Variants in ZNF804B observed in about 807,000 individuals in gnomAD.
The protein encoded by ZNF804B is zinc finger 804B.
ZNF804B carries 80 observed loss-of-function variants against 101.4 expected under a neutral mutation model. The ratio of observed to expected loss-of-function variants is 0.79; its 90% CI spans 0.66 to 0.95. The LOEUF (loss-of-function observed/expected upper bound fraction) is 0.95. ZNF804B is among the 40% of genes least tolerant of loss of function. The pLI, the probability that ZNF804B is intolerant of heterozygous loss-of-function variation, is 0.00. For synonymous variants in ZNF804B, 622 were observed against 558.8 expected (o/e 1.11, Z -1.59); for missense variants, 1,673 against 1,561.9 (o/e 1.07, Z -1.20).
chr7:89,134,863 CT>C (rs1283292973), intron 1 of ZNF804B, among the ~76,000 whole-genome samples: 2 of 151,766 alleles, frequency 1.3e-5, no homozygotes, highest in Admixed American at 6.6e-5. Flanking sequence ...TGTTTTTGAG[CT>C]ACTATGTACT....
chr7:88,996,559 C>A (rs1229019199), intron 1 of ZNF804B, among the ~76,000 whole-genome samples: 1 of 151,994 alleles, frequency 6.6e-6, no homozygotes, highest in Non-Finnish European at 1.5e-5. Flanking sequence ...AATCTTGAAT[C>A]ATTGTGGTTT....
At chr7:89,220,177 G>GCGTATATACA (rs373110832) in intron 2 of ZNF804B, among the ~76,000 whole-genome samples, 39 of 31,838 alleles carry the variant, frequency 1.2e-3, no homozygotes, top group African/African-American at 4.6e-3. Flanking sequence ...ATATATATGT[G>GCGTATATACA]TGTATATATA....
intron 1 of ZNF804B, among the ~76,000 whole-genome samples, chr7:88,908,024 A>T (rs1215729678): frequency 6.6e-6 from 1 of 151,894 alleles, no homozygotes. Flanking sequence ...TTAGTTAGTC[A>T]GTTAATCAAT....
chr7:88,937,436 A>G (rs1792989484), intron 1 of ZNF804B, among the ~76,000 whole-genome samples: 1 of 152,078 alleles, frequency 6.6e-6, no homozygotes, highest in African/African-American at 2.4e-5. Flanking sequence ...AATATTAGGG[A>G]AGCTATTTAA....
At chr7:88,945,579 T>C (rs7785253) in intron 1 of ZNF804B, among the ~76,000 whole-genome samples, 6,103 of 134,438 alleles carry the variant, frequency 0.045, 248 homozygotes, top group East Asian at 0.17. Context: ...ATGGGCTCTG[T>C]TTTGGTTCCA....
At chr7:89,013,291 C>CAT (rs1459050053) in intron 1 of ZNF804B, among the ~76,000 whole-genome samples, 2 of 151,326 alleles carry the variant, frequency 1.3e-5, no homozygotes, top group South Asian at 2.1e-4. Context: ...AGAGAAGAAA[C>CAT]ATATGAGAAT....
chr7:89,103,061 T>TG (rs1305285403), intron 1 of ZNF804B, among the ~76,000 whole-genome samples: 3 of 127,924 alleles, frequency 2.3e-5, no homozygotes, highest in African/African-American at 6.8e-5. Context: ...TTTTTTTTTT[T>TG]TTTTTTTTTT....
At chr7:89,077,376 C>G (rs1441425662) in intron 1 of ZNF804B, among the ~76,000 whole-genome samples, 1 of 151,886 alleles carries the variant, frequency 6.6e-6, no homozygotes, top group African/African-American at 2.4e-5. Context: ...GTAGATGTTT[C>G]TGATAGCTGT....
intron 1 of ZNF804B, among the ~76,000 whole-genome samples, chr7:89,007,388 A>G (rs956240988): frequency 6.9e-6 from 1 of 144,138 alleles, no homozygotes; most frequent in African/African-American, 2.6e-5. Flanking sequence ...TTCCGGGTTC[A>G]GGAAACACTT....
intron 1 of ZNF804B, among the ~76,000 whole-genome samples, chr7:89,016,550 A>C (rs1335775361): frequency 1.3e-5 from 2 of 149,356 alleles, no homozygotes; most frequent in Non-Finnish European, 2.9e-5. Flanking sequence ...TCAGCTTTCT[A>C]CATATGGCTA....
intron 1 of ZNF804B, among the ~76,000 whole-genome samples, chr7:89,208,658 T>C (rs1017792908): frequency 2.0e-5 from 3 of 152,146 alleles, no homozygotes; most frequent in African/African-American, 7.2e-5. Context: ...GAAGATGAAA[T>C]TGGTGGTGGC....
intron 1 of ZNF804B, among the ~76,000 whole-genome samples, chr7:88,855,706 T>A (rs926656079): frequency 6.6e-6 from 1 of 152,226 alleles, no homozygotes; most frequent in African/African-American, 2.4e-5. Flanking sequence ...TGGTATTGCC[T>A]AGGTTTTCTT....
intron 3 of ZNF804B, among the ~76,000 whole-genome samples, chr7:89,331,707 TA>T (rs912798114): frequency 1.3e-5 from 2 of 151,042 alleles, no homozygotes; most frequent in African/African-American, 4.9e-5. Flanking sequence ...TTGAATATTG[TA>T]AAAAAAACTG....
At chr7:88,822,294 A>T (rs1790994143) in intron 1 of ZNF804B, among the ~76,000 whole-genome samples, 1 of 152,174 alleles carries the variant, frequency 6.6e-6, no homozygotes, top group South Asian at 2.1e-4. Flanking sequence ...AAACATGGAT[A>T]CTCAACCTCG....
intron 1 of ZNF804B, among the ~76,000 whole-genome samples, chr7:89,021,482 G>A (rs937646683): frequency 6.6e-6 from 1 of 152,122 alleles, no homozygotes; most frequent in African/African-American, 2.4e-5. Flanking sequence ...CTAGATATGG[G>A]CACAAGGCCA....
chr7:88,965,906 A>G (rs926259753), intron 1 of ZNF804B, among the ~76,000 whole-genome samples: 1 of 151,540 alleles, frequency 6.6e-6, no homozygotes, highest in Non-Finnish European at 1.5e-5. Context: ...ACAAACAACT[A>G]TGAAGTAGTA....
Position 89,333,744 on chromosome 7 carries a change from T to C in ZNF804B, c.762T>C (p.Tyr254=), listed in dbSNP as rs2115998521. 6.2e-7 allele frequency: 1 copy of C among 1,613,534 alleles called. No individual in the cohort carries two copies. The highest frequency in any genetic ancestry group is 8.5e-7 in the Non-Finnish European group (1 of 1,179,744). The change falls in exon 4 of 4, where the codon TAT becomes TAC. Residue 254 remains tyrosine, a synonymous_variant. Transcript: ENST00000333190. ...ATGATTGTAACAAGTCACCCATTTATAAAACAAAACAAACTGCAGATAAGT... is the reference window on the plus strand; with the variant it reads ...ATGATTGTAACAAGTCACCCATTTACAAAACAAAACAAACTGCAGATAAGT... ...ETHDCNKSPI[Y]KTKQTADKCK...
At chr7:89,189,531 G>A (rs147732472) in intron 1 of ZNF804B, among the ~76,000 whole-genome samples, 2 of 152,142 alleles carry the variant, frequency 1.3e-5, no homozygotes, top group Non-Finnish European at 2.9e-5. Context: ...CTGATACAAA[G>A]TTATTTTTTA....
chr7:89,056,953 C>A (rs1344392364), intron 1 of ZNF804B, among the ~76,000 whole-genome samples: 1 of 151,980 alleles, frequency 6.6e-6, no homozygotes, highest in Non-Finnish European at 1.5e-5. Flanking sequence ...TTGGAGTGGG[C>A]TAAAGTGTGA....
Sources: allele counts gnomAD v4.1 joint callset (sites outside exome capture counted in the v4.1 genomes callset), GRCh38; gene constraint gnomAD v4.1.1; transcripts MANE v1.5; gene names NCBI Gene and HGNC (gene_info 2026-07-23, HGNC 2026-07-21).